Variants in SLIT2 observed in about 807,000 individuals in gnomAD.
SLIT2 encodes slit homolog 2 protein.
SLIT2 carries 41 observed loss-of-function variants against 185.7 expected under a neutral mutation model. The ratio of observed to expected loss-of-function variants is 0.22; its 90% CI spans 0.17 to 0.29. The LOEUF (loss-of-function observed/expected upper bound fraction) is 0.29, where lower values mean the gene tolerates loss of function less well. Ranked by LOEUF, SLIT2 falls within the 10% of genes least tolerant of loss-of-function variation. SLIT2 has a pLI of 1.00. For synonymous variants in SLIT2, 693 were observed against 680.2 expected, an observed-to-expected ratio of 1.02 and a Z score of -0.29; for missense variants, 1,571 against 1,909.0, an observed-to-expected ratio of 0.82 and a Z score of 3.30.
At chr4:20,437,029 G>GCAGTA (rs1464169247) in intron 4 of SLIT2, among the ~76,000 whole-genome samples, 9 of 152,304 alleles carry the variant, frequency 5.9e-5, no homozygotes, top group African/African-American at 1.9e-4. Context: ...TGCTTGGAAT[G>GCAGTA]CAGTAAGCAC....
chr4:20,469,437 G>T (rs984112020), intron 5 of SLIT2, among the ~76,000 whole-genome samples: 1 of 152,210 alleles, frequency 6.6e-6, no homozygotes, highest in South Asian at 2.1e-4. Flanking sequence ...AGTCATGATA[G>T]AATTCTTCTT....
intron 4 of SLIT2, among the ~76,000 whole-genome samples, chr4:20,283,120 G>GCACACACACA (rs55949957): frequency 1.0e-4 from 15 of 149,958 alleles, no homozygotes; most frequent in African/African-American, 2.9e-4. Flanking sequence ...GTGCGCGCGC[G>GCACACACACA]CACACACACA....
At chr4:20,324,677 G>C (rs1455720918) in intron 4 of SLIT2, among the ~76,000 whole-genome samples, 3 of 152,114 alleles carry the variant, frequency 2.0e-5, no homozygotes, top group Non-Finnish European at 4.4e-5. Flanking sequence ...TCGTGCTTTT[G>C]TTAACTAGCT....
intron 3 of SLIT2, among the ~76,000 whole-genome samples, chr4:20,267,537 T>C (rs1345454567): frequency 6.6e-6 from 1 of 151,904 alleles, no homozygotes; most frequent in Non-Finnish European, 1.5e-5. Flanking sequence ...TTACAGGATT[T>C]TAAAAAATTA....
At chr4:20,571,719 T>C (rs1199613309) in intron 29 of SLIT2, among the ~76,000 whole-genome samples, 2 of 152,230 alleles carry the variant, frequency 1.3e-5, no homozygotes, top group African/African-American at 2.4e-5. Context: ...TATAATAGTG[T>C]TGTCAGTGTT....
chr4:20,497,876 A>G (rs1291558610), intron 9 of SLIT2, among the ~76,000 whole-genome samples: 1 of 152,080 alleles, frequency 6.6e-6, no homozygotes, highest in Admixed American at 6.6e-5. Context: ...ACTAAAACAA[A>G]ACAAAACAAA....
chr4:20,365,701 G>C (rs1723063910), intron 4 of SLIT2, among the ~76,000 whole-genome samples: 2 of 152,122 alleles, frequency 1.3e-5, no homozygotes, highest in South Asian at 4.1e-4. Flanking sequence ...CTGGGCCAGT[G>C]AAAGAACTGT....
chr4:20,313,431 A>G (rs752865331), intron 4 of SLIT2, among the ~76,000 whole-genome samples: 2 of 152,138 alleles, frequency 1.3e-5, no homozygotes, highest in Non-Finnish European at 2.9e-5. Context: ...CAAGCCATTC[A>G]TGAGGGACCC....
intron 4 of SLIT2, among the ~76,000 whole-genome samples, chr4:20,447,758 T>C (rs1317419708): frequency 1.3e-5 from 2 of 152,154 alleles, no homozygotes; most frequent in African/African-American, 4.8e-5. Context: ...AAAGAACCGC[T>C]CTCTGTTTCT....
intron 4 of SLIT2, among the ~76,000 whole-genome samples, chr4:20,375,006 G>A (rs1476278934): frequency 6.6e-6 from 1 of 151,576 alleles, no homozygotes. Flanking sequence ...ATAGCTCATT[G>A]AAATTCTAGT....
At chr4:20,562,546 C>T (rs1272384429) in intron 26 of SLIT2, among the ~76,000 whole-genome samples, 1 of 151,810 alleles carries the variant, frequency 6.6e-6, no homozygotes, top group East Asian at 1.9e-4. Context: ...ATGTATGTCT[C>T]TCCTGCTAAA....
chr4:20,493,602 G>C (rs1214757734), intron 9 of SLIT2, among the ~76,000 whole-genome samples: 1 of 152,184 alleles, frequency 6.6e-6, no homozygotes, highest in Non-Finnish European at 1.5e-5. Context: ...TGGTTAACTA[G>C]AGTCAGAAAG....
At chr4:20,499,549 G>A (rs944174575) in intron 9 of SLIT2, among the ~76,000 whole-genome samples, 1 of 152,050 alleles carries the variant, frequency 6.6e-6, no homozygotes, top group African/African-American at 2.4e-5. Flanking sequence ...GAGTGCAGTG[G>A]CACCTTCTTG....
At chr4:20,436,940 G>A (rs1433098539) in intron 4 of SLIT2, among the ~76,000 whole-genome samples, 2 of 152,154 alleles carry the variant, frequency 1.3e-5, no homozygotes, top group Non-Finnish European at 2.9e-5. Context: ...TAGAGGGAAT[G>A]GAAAATGCAA....
intron 26 of SLIT2, among the ~76,000 whole-genome samples, chr4:20,563,668 G>T (rs1056496370): frequency 6.6e-6 from 1 of 151,490 alleles, no homozygotes; most frequent in African/African-American, 2.4e-5. Flanking sequence ...AGACTGTGAT[G>T]AATAGATAAA....
At chr4:20,321,084 G>A (rs780535619) in intron 4 of SLIT2, among the ~76,000 whole-genome samples, 2 of 152,064 alleles carry the variant, frequency 1.3e-5, no homozygotes, top group Non-Finnish European at 2.9e-5. Context: ...ACTAGATTGC[G>A]CCACTGCACT....
chr4:20,546,874 A>T (rs1459336703), intron 22 of SLIT2, among the ~76,000 whole-genome samples: 1 of 152,122 alleles, frequency 6.6e-6, no homozygotes, highest in Non-Finnish European at 1.5e-5. Flanking sequence ...GAACACAAAA[A>T]ATCAGGAAAA....
chr4:20,447,391 G>A (rs990866908), intron 4 of SLIT2, among the ~76,000 whole-genome samples: 4 of 152,192 alleles, frequency 2.6e-5, no homozygotes, highest in African/African-American at 9.7e-5. Context: ...GCTCTGCAGT[G>A]ATCAGTTGTG....
At chr4:20,463,433 T>C (rs1353234582) in intron 4 of SLIT2, among the ~76,000 whole-genome samples, 1 of 129,058 alleles carries the variant, frequency 7.7e-6, no homozygotes, top group South Asian at 2.6e-4. Flanking sequence ...ACTATCTTCA[T>C]TGACCTCAAA....
Sources: gnomAD v4.1 joint callset for allele counts (sites outside exome capture counted in the v4.1 genomes callset) on GRCh38, gnomAD v4.1.1 for gene constraint, MANE v1.5 for transcripts, NCBI Gene and HGNC (gene_info 2026-07-23, HGNC 2026-07-21) for gene names.